COL11A1: variants seen among roughly 807,000 people sequenced by gnomAD.
COL11A1 encodes collagen type XI alpha 1 chain.
In COL11A1, 74 loss-of-function variants were observed where a neutral mutation model predicts 265.2. The observed-to-expected ratio is 0.28, with a 90% confidence interval of 0.23 to 0.34. The LOEUF is 0.34. COL11A1 is among the 10% of genes least tolerant of loss of function. The pLI, the probability that COL11A1 is intolerant of heterozygous loss-of-function variation, is 1.00. For missense variants in COL11A1, 2,165 were observed against 2,263.6 expected (o/e 0.96, Z 0.88); for synonymous variants, 816 against 727.6 (o/e 1.12, Z -1.96).
intron 7 of COL11A1, among the ~76,000 whole-genome samples, chr1:103,023,806 T>C (rs1232171545): frequency 6.6e-6 from 1 of 152,206 alleles, no homozygotes; most frequent in Admixed American, 6.5e-5. Context: ...ACAATGATTA[T>C]GTAGAGTATC....
intron 4 of COL11A1, among the ~76,000 whole-genome samples, chr1:103,065,139 T>C (rs552348376): frequency 1.3e-5 from 2 of 151,872 alleles, no homozygotes; most frequent in East Asian, 3.9e-4. Context: ...TATGTTGGGG[T>C]GGGGCAAATA....
chr1:103,094,436 A>G (rs1673578179), intron 1 of COL11A1, among the ~76,000 whole-genome samples: 2 of 152,120 alleles, frequency 1.3e-5, no homozygotes, highest in Admixed American at 1.3e-4. Flanking sequence ...AAGGATTGGT[A>G]CCATATGAAA....
chr1:103,063,019 T>C (rs1441521372), intron 4 of COL11A1, among the ~76,000 whole-genome samples: 5 of 151,894 alleles, frequency 3.3e-5, no homozygotes, highest in African/African-American at 1.2e-4. Context: ...ACAAAATAAA[T>C]ATAAGATCTA....
chr1:103,051,432 C>A (rs1258032235), intron 4 of COL11A1, among the ~76,000 whole-genome samples: 1 of 152,206 alleles, frequency 6.6e-6, no homozygotes, highest in African/African-American at 2.4e-5. Context: ...CCTGGTGTGC[C>A]ATTTTTTAAG....
intron 1 of COL11A1, among the ~76,000 whole-genome samples, chr1:103,102,788 G>A (rs141951434): frequency 2.3e-4 from 35 of 151,982 alleles, no homozygotes; most frequent in African/African-American, 8.0e-4. Flanking sequence ...CATGATAAAT[G>A]CTTTCACAGT....
chr1:102,956,348 A>C (rs1418744678), intron 41 of COL11A1, among the ~76,000 whole-genome samples: 1 of 152,170 alleles, frequency 6.6e-6, no homozygotes, highest in Non-Finnish European at 1.5e-5. Context: ...TGTCCTCCTC[A>C]GTAAACCATA....
At chr1:102,902,440 G>C (rs56783529) in intron 54 of COL11A1, among the ~76,000 whole-genome samples, 2,918 of 152,028 alleles carry the variant, frequency 0.019, 94 homozygotes, top group African/African-American at 0.067. Flanking sequence ...AAGAATTTTT[G>C]TTTCCCCACA....
intron 38 of COL11A1, 103 bp downstream of exon 38, chr1:102,965,384 C>A: frequency 9.0e-7 from 1 of 1,113,988 alleles, no homozygotes; most frequent in Non-Finnish European, 1.4e-6. Context: ...AAAAATACAT[C>A]ATTTTGAATC....
At chr1:103,049,784 G>T (rs1300747749) in intron 4 of COL11A1, among the ~76,000 whole-genome samples, 1 of 152,154 alleles carries the variant, frequency 6.6e-6, no homozygotes, top group African/African-American at 2.4e-5. Flanking sequence ...AGCTCTTGTA[G>T]GGTAGGCCTG....
At chr1:102,933,470 C>T (rs547164256) in intron 46 of COL11A1, among the ~76,000 whole-genome samples, 1 of 151,772 alleles carries the variant, frequency 6.6e-6, no homozygotes, top group East Asian at 2.0e-4. Flanking sequence ...CAGCTGCGTG[C>T]TGGGAGAACC....
intron 7 of COL11A1, among the ~76,000 whole-genome samples, 193 bp from the exon 8 acceptor site, chr1:103,023,189 G>A (rs549855974): frequency 6.6e-6 from 1 of 152,120 alleles, no homozygotes; most frequent in Admixed American, 6.6e-5. Flanking sequence ...TATGTACAAA[G>A]AGATATTGCT....
In COL11A1 at chr1:103,078,705, G is replaced by A; in HGVS notation, c.441C>T (p.Ala147=). The part of the protein sequence containing the change: ...FLFEDHTGKP[A]PEDYPLFRTV... ...TTCTGAAGAGGGGATAGTCTTCTGG[G>A]GCAGGTTTTCCAGTGTGGTCTTCAA... The change falls in exon 3 of 67, where the codon GCC becomes GCT. Residue 147 remains alanine, a synonymous_variant. Coordinates refer to ENST00000370096, the MANE Select transcript of COL11A1 (RefSeq NM_001854.4). 6.2e-7 allele frequency: 1 copy of A among 1,613,308 alleles called. No individual in the cohort carries two copies. Among genetic ancestry groups the A allele is most frequent in the Non-Finnish European group, 8.5e-7 (1 of 1,179,582 alleles).
intron 4 of COL11A1, among the ~76,000 whole-genome samples, chr1:103,056,347 T>C (rs1371813710): frequency 6.6e-6 from 1 of 152,268 alleles, no homozygotes; most frequent in Non-Finnish European, 1.5e-5. Context: ...ACTTAAGGAA[T>C]TGAACTGAAA....
At position 102,967,786 on chromosome 1, in the gene COL11A1, T is replaced by A. The variant is rs1570897332; in HGVS notation, c.2863-2246A>T. Among the ~76,000 whole-genome samples the A allele has an allele frequency of 4.6e-5, 7 of 152,280 alleles. 1 individual carries two copies. The East Asian group carries it at 1.4e-3, about 29-fold the overall frequency. On this transcript the variant is annotated intron_variant, in intron 37 of 66. Coordinates refer to ENST00000370096, the MANE Select transcript of COL11A1 (RefSeq NM_001854.4). ...GATATAAAGGCAATTCCAAACTTTT[T>A]AAAAAAGTCTTATAAAGCATTTTGT...
chr1:103,001,708 G>A (rs1665123162), intron 24 of COL11A1: 1 of 580,982 alleles, frequency 1.7e-6, no homozygotes, highest in African/African-American at 1.9e-5. Context: ...ACATTTGGAA[G>A]CTGTTTAAAT....
At chr1:103,031,519 A>T (rs1667996598) in intron 4 of COL11A1, among the ~76,000 whole-genome samples, 1 of 152,058 alleles carries the variant, frequency 6.6e-6, no homozygotes, top group Non-Finnish European at 1.5e-5. Flanking sequence ...ATTTTACTCC[A>T]CTGGTAATTT....
chr1:103,028,276 C>T (rs953507077), intron 5 of COL11A1, among the ~76,000 whole-genome samples: 1 of 152,010 alleles, frequency 6.6e-6, no homozygotes, highest in South Asian at 2.1e-4. Context: ...TCAGGTGATC[C>T]GCCCGCTTCG....
chr1:102,974,719 T>C, intron 36 of COL11A1, 111 bp downstream of exon 36: 1 of 799,346 alleles, frequency 1.3e-6, no homozygotes. Flanking sequence ...ATTGTAATTT[T>C]ACAGAGATTT....
At chr1:103,013,113 G>A (rs1036295993) in intron 13 of COL11A1, among the ~76,000 whole-genome samples, 4 of 152,092 alleles carry the variant, frequency 2.6e-5, no homozygotes, top group Admixed American at 6.6e-5. Context: ...TTTGATAGAT[G>A]TTAAATTAGT....
Sources: gnomAD v4.1 joint callset for allele counts (sites outside exome capture counted in the v4.1 genomes callset) on GRCh38, gnomAD v4.1.1 for gene constraint, MANE v1.5 for transcripts, NCBI Gene and HGNC (gene_info 2026-07-23, HGNC 2026-07-21) for gene names.